ZNF623: variants seen among roughly 807,000 people sequenced by gnomAD.
ZNF623 encodes the protein zinc finger protein 623.
A neutral mutation model predicts 24.0 loss-of-function variants in ZNF623; 16 were observed. The observed-to-expected ratio is 0.67, with a 90% CI of 0.45 to 1.01. The LOEUF (loss-of-function observed/expected upper bound fraction) is 1.01. ZNF623 is among the 50% of genes least tolerant of loss of function. The pLI, the probability that ZNF623 is intolerant of heterozygous loss-of-function variation, is 0.00. For missense variants in ZNF623, 566 were observed against 606.5 expected (o/e 0.93, Z 0.70); for synonymous variants, 224 against 219.8 (o/e 1.02, Z -0.17).
intron 1 of ZNF623, among the ~76,000 whole-genome samples, chr8:143,642,872 G>T (rs1815088370): frequency 1.3e-5 from 2 of 152,170 alleles, no homozygotes; most frequent in South Asian, 4.1e-4. Context: ...GAGTTCTGAG[G>T]TGGTCTCTTA....
At chr8:143,640,596 C>G (rs191931343) in intron 1 of ZNF623, among the ~76,000 whole-genome samples, 22 of 152,266 alleles carry the variant, frequency 1.4e-4, no homozygotes, top group East Asian at 7.7e-4. Flanking sequence ...GGCATCTTCA[C>G]CAGGAGCAGA....
intron 1 of ZNF623, among the ~76,000 whole-genome samples, chr8:143,642,117 AG>A (rs1815068840): frequency 6.6e-6 from 1 of 152,228 alleles, no homozygotes; most frequent in South Asian, 2.1e-4. Flanking sequence ...TTTTTAGAGT[AG>A]CCACCTTAGT....
At chr8:143,648,649 C>T (rs894120726) in intron 1 of ZNF623, among the ~76,000 whole-genome samples, 5 of 151,880 alleles carry the variant, frequency 3.3e-5, no homozygotes, top group African/African-American at 1.2e-4. Context: ...TGCTCAGGTG[C>T]TGTCCCTGCA....
chr8:143,645,683 C>T (rs1476338045), intron 1 of ZNF623, among the ~76,000 whole-genome samples: 2 of 152,146 alleles, frequency 1.3e-5, no homozygotes, highest in East Asian at 3.8e-4. Context: ...CGCCTGCTTT[C>T]CTCCACGTCC....
intron 1 of ZNF623, among the ~76,000 whole-genome samples, chr8:143,648,684 C>T (rs1012548609): frequency 6.6e-6 from 1 of 151,972 alleles, no homozygotes; most frequent in Non-Finnish European, 1.5e-5. Flanking sequence ...AGGGAGCTCA[C>T]ACACAAGTGG....
At position 143,646,309 on chromosome 8, in the gene ZNF623, C is replaced by T. The variant is rs979265699; in HGVS notation, c.-95-3589C>T. On this transcript the variant is annotated intron_variant, in intron 1 of 1. Coordinates refer to ENST00000526926, the MANE Select transcript of ZNF623 (RefSeq NM_001261843.2). ...CCTCCTGCTTTGGCCACTGGAAATG[C>T]TGGGATTATAGGCATGAGCCACTGT... is the stretch of plus-strand genomic sequence containing the variant. Among the ~76,000 whole-genome samples, 5 of 152,118 alleles carry T rather than the reference C, an allele frequency of 3.3e-5. No individual in the cohort carries two copies. The South Asian group carries it at 1.0e-3, about 31-fold the overall frequency.
rs765406925 is a variant in ZNF623 at position 143,651,419 on chromosome 8, G to A, written c.1427G>A (p.Ser476Asn). ...QRVHQEGLSL[S>N]KAPIHLGERS... is the part of the protein sequence containing the mutation. Reference sequence around the variant, plus strand: ...GTTCACCAAGAGGGACTCTCCTTGAGTAAGGCCCCCATACATTTGGGTGAG... The same window carrying A: ...GTTCACCAAGAGGGACTCTCCTTGAATAAGGCCCCCATACATTTGGGTGAG... Residue 476 changes from serine (S) to asparagine (N), a missense_variant, in exon 2 of 2, where the codon AGT (serine) becomes AAT (asparagine). By Grantham distance (46) the Ser-to-Asn change is conservative. Transcript: ENST00000526926. 28 of 1,612,656 alleles carry A rather than the reference G, an allele frequency of 1.7e-5. No homozygotes were observed. The highest frequency in any genetic ancestry group is 2.2e-5 in the Non-Finnish European group (26 of 1,179,538).
At chr8:143,646,819 T>G (rs992279169) in intron 1 of ZNF623, among the ~76,000 whole-genome samples, 2 of 152,072 alleles carry the variant, frequency 1.3e-5, no homozygotes, top group Non-Finnish European at 2.9e-5. Flanking sequence ...TGTGCTACCT[T>G]GCCTGGCTGT....
intron 1 of ZNF623, among the ~76,000 whole-genome samples, chr8:143,642,291 C>T (rs190064973): frequency 2.0e-5 from 3 of 152,162 alleles, no homozygotes; most frequent in South Asian, 4.1e-4. Flanking sequence ...TCACCCGTCT[C>T]GGCCTTCATA....
Position 143,650,469 on chromosome 8 carries a change from C to G in ZNF623, c.477C>G (p.Arg159=), listed in dbSNP as rs148516981. ...ATTCAGGTCTCATTGAGCATCAGCGCGTTCATTCAGGAGAAAAGCCCTTCA... is the reference window on the plus strand; with the variant it reads ...ATTCAGGTCTCATTGAGCATCAGCGGGTTCATTCAGGAGAAAAGCCCTTCA... ...IHYSGLIEHQ[R]VHSGEKPFKC... The change falls in exon 2 of 2, where the codon CGC becomes CGG. Residue 159 remains arginine, a synonymous_variant. Coordinates refer to ENST00000526926, the MANE Select transcript of ZNF623 (RefSeq NM_001261843.2). This position sits in a 1 kb window ranked among gnomAD's most constrained non-coding sequence, Gnocchi z 5.2. 2 of 1,613,868 alleles carry G rather than the reference C, an allele frequency of 1.2e-6. No homozygotes were observed. The highest frequency in any genetic ancestry group is 3.3e-5 in the Admixed American group (2 of 59,990).
Position 143,650,646 on chromosome 8 carries a change from G to A in ZNF623, c.654G>A (p.Thr218=), listed in dbSNP as rs147942891. The stretch of plus-strand genomic sequence containing the variant: ...TTATTCGCCATCAGAGGATTCACAC[G>A]GGAGAAAGGCCCTATGAGTGCAATG... The part of the protein sequence containing the change: ...SLLIRHQRIH[T]GERPYECNEC... Residue 218 remains threonine, a synonymous_variant, in exon 2 of 2, where the codon ACG becomes ACA. Transcript: ENST00000526926. This position sits in a 1 kb window ranked among gnomAD's most constrained non-coding sequence, Gnocchi z 5.2. The A allele has an allele frequency of 4.9e-5, 79 of 1,613,260 alleles. No individual in the cohort carries two copies. The highest frequency in any genetic ancestry group is 3.2e-4 in the African/African-American group (24 of 74,592).
rs1046561476 is a variant in ZNF623, at chr8:143,643,785, T to C, written c.-95-6113T>C. On this transcript the variant is annotated intron_variant, in intron 1 of 1. Coordinates refer to ENST00000526926, the MANE Select transcript of ZNF623 (RefSeq NM_001261843.2). Reference sequence around the variant, plus strand: ...CTGCTTTTGCTCAGCACTTCGTCTGTTGTGAGGTCCACCTGTGCTTTTATG... The same window carrying C: ...CTGCTTTTGCTCAGCACTTCGTCTGCTGTGAGGTCCACCTGTGCTTTTATG... Among the ~76,000 whole-genome samples the C allele has an allele frequency of 1.2e-4, 18 of 152,362 alleles. No individual in the cohort carries two copies. In the South Asian group the frequency reaches 2.1e-3, roughly 18 times the overall value.
At chr8:143,646,691 GT>G (rs1228068428) in intron 1 of ZNF623, among the ~76,000 whole-genome samples, 1 of 151,992 alleles carries the variant, frequency 6.6e-6, no homozygotes, top group African/African-American at 2.4e-5. Context: ...TTGAGACAGG[GT>G]TTTGCTCTGT....
intron 1 of ZNF623, chr8:143,649,619 G>T (rs1487031822): frequency 1.4e-5 from 7 of 482,762 alleles, no homozygotes; most frequent in East Asian, 6.3e-5. Flanking sequence ...CCACCCCTCT[G>T]CAACTCATCC....
Position 143,650,010 on chromosome 8 carries a change from C to A in ZNF623, c.18C>A (p.Pro6=). 6.2e-7 allele frequency: 1 copy of A among 1,614,134 alleles called. No homozygotes were observed. The highest frequency in any genetic ancestry group is 2.2e-5 in the East Asian group (1 of 44,874). ...TCACGGTGATGGAGCTCCCCTCTCC[C>A]GAGTCTGAGGAAGTCCACGAGCCCA... MELPS[P]ESEEVHEPRL... The change falls in exon 2 of 2, where the codon CCC becomes CCA. Residue 6 remains proline (P), a synonymous_variant. Coordinates refer to ENST00000526926, the MANE Select transcript of ZNF623 (RefSeq NM_001261843.2). The surrounding 1 kb of genome is among the most constrained non-coding windows in gnomAD (Gnocchi z 5.2).
intron 1 of ZNF623, among the ~76,000 whole-genome samples, chr8:143,645,999 G>A (rs1226411919): frequency 2.0e-5 from 3 of 152,090 alleles, no homozygotes; most frequent in Non-Finnish European, 4.4e-5. Context: ...GGTAAGGTAT[G>A]TATAACTCAC....
At chr8:143,639,972 T>A (rs1390752095) in intron 1 of ZNF623, among the ~76,000 whole-genome samples, 2 of 152,078 alleles carry the variant, frequency 1.3e-5, no homozygotes, top group Non-Finnish European at 2.9e-5. Context: ...CAGTCATTAG[T>A]AATTTGATGG....
chr8:143,636,836 T>C (rs1353681684), intron 1 of ZNF623, among the ~76,000 whole-genome samples: 1 of 152,230 alleles, frequency 6.6e-6, no homozygotes, highest in Admixed American at 6.5e-5. Flanking sequence ...TGGCGTTCTC[T>C]GTGCTTCTGT....
chr8:143,638,188 A>G (rs984431982), intron 1 of ZNF623, among the ~76,000 whole-genome samples: 13 of 152,040 alleles, frequency 8.6e-5, no homozygotes, highest in African/African-American at 2.9e-4. Context: ...TAAAAGTACA[A>G]AAGTTAGCCA....
Sources: allele counts gnomAD v4.1 joint callset (sites outside exome capture counted in the v4.1 genomes callset), GRCh38; gene constraint gnomAD v4.1.1; non-coding constraint Gnocchi (gnomAD v3.1); transcripts MANE v1.5; gene names NCBI Gene and HGNC (gene_info 2026-07-23, HGNC 2026-07-21).